Variants in AKT1 observed in about 807,000 individuals in gnomAD.
AKT1 encodes RAC-alpha serine/threonine-protein kinase.
Under a neutral mutation model 63.1 loss-of-function variants are expected in AKT1, and 21 were observed. The ratio of observed to expected loss-of-function variants is 0.33; its 90% CI spans 0.24 to 0.48. The LOEUF is 0.48. AKT1 is among the 20% of genes least tolerant of loss of function. The pLI, the probability that AKT1 is intolerant of heterozygous loss-of-function variation, is 0.99. For synonymous variants in AKT1, 257 were observed against 253.1 expected, an observed-to-expected ratio of 1.02 and a Z score of -0.15; for missense variants, 382 against 666.0, an observed-to-expected ratio of 0.57 and a Z score of 4.69.
chr14:104,775,059 C>T lies in AKT1; in HGVS notation c.567+17G>A, dbSNP rs761544711. On this transcript the variant is annotated intron_variant, in intron 7 of 14. Coordinates refer to ENST00000649815, the MANE Select transcript of AKT1 (RefSeq NM_001382430.1). ...CCGCACCCTCATCTCCACCCTGCCC[C>T]ACCGCCCCGGCCCCACCTTGGCCAC... The T allele has an allele frequency of 6.2e-7, 1 of 1,613,638 alleles. No homozygotes were observed. Among genetic ancestry groups the T allele is most frequent in the Admixed American group, 1.7e-5 (1 of 60,016 alleles).
intron 5 of AKT1, 100 bp downstream of exon 5, chr14:104,776,559 G>A: frequency 9.8e-7 from 1 of 1,016,976 alleles, no homozygotes; most frequent in East Asian, 2.7e-5. Context: ...GGGGAGTGAG[G>A]ATGGCTACAG....
chr14:104,774,349 G>A, intron 8 of AKT1: 1 of 323,052 alleles, frequency 3.1e-6, no homozygotes, highest in Non-Finnish European at 6.0e-6. Flanking sequence ...CTGGGCTCAG[G>A]TCCTCCAGGG....
At position 104,774,291 on chromosome 14, in the gene AKT1, G is replaced by A. The variant is rs560942825; in HGVS notation, c.634-311C>T. On this transcript the variant is annotated intron_variant, in intron 8 of 14. Transcript: ENST00000649815. ...CCACGCCACCATCAGGCTGGGCCCC[G>A]GCAGCCCCTGAGGTGCCAAGGAGTG... 149 of 454,226 alleles carry A rather than the reference G, an allele frequency of 3.3e-4. 3 individuals carry two copies. Among genetic ancestry groups the A allele is most frequent in the South Asian group, 2.7e-3 (120 of 43,972 alleles). The allele number at this position is 454,226 out of a possible 1,614,324, so 28.1% of individuals were successfully genotyped here.
chr14:104,770,870 C>T, intron 13 of AKT1, 23 bp from the exon 14 acceptor site: 2 of 1,606,304 alleles, frequency 1.2e-6, no homozygotes, highest in Non-Finnish European at 1.7e-6. Flanking sequence ...GCAGACGGGA[C>T]AGTCATGAGC....
chr14:104,786,940 C>G (rs965890728), intron 3 of AKT1, among the ~76,000 whole-genome samples: 2 of 152,244 alleles, frequency 1.3e-5, no homozygotes, highest in East Asian at 1.9e-4. Context: ...GCCACCTCCC[C>G]GCCAGGCCTG....
chr14:104,775,366 C>A (rs556838313), intron 6 of AKT1, 159 bp from the exon 7 acceptor site: 4 of 1,349,674 alleles, frequency 3.0e-6, no homozygotes, highest in Non-Finnish European at 4.0e-6. Context: ...GGAGTCCAGG[C>A]TTACAGGGAA....
intron 3 of AKT1, among the ~76,000 whole-genome samples, chr14:104,781,509 T>C (rs1048466921): frequency 9.2e-5 from 14 of 152,086 alleles, no homozygotes; most frequent in Non-Finnish European, 1.6e-4. Flanking sequence ...CCAGCAGGCA[T>C]TCTACTTTCC....
At chr14:104,771,012 G>A (rs1241083102) in intron 13 of AKT1, 165 bp from the exon 14 acceptor site, 2 of 632,044 alleles carry the variant, frequency 3.2e-6, no homozygotes, top group Non-Finnish European at 5.6e-6. Context: ...GGCAGCTCTG[G>A]GAGGGAGGGA....
intron 5 of AKT1, chr14:104,776,188 C>T (rs541152263): frequency 1.8e-5 from 4 of 220,074 alleles, no homozygotes; most frequent in South Asian, 7.3e-5. Context: ...TGCTCTATCG[C>T]CCTGGCTGGA....
At chr14:104,792,486 G>T in intron 3 of AKT1, 112 bp downstream of exon 3, 1 of 1,280,338 alleles carries the variant, frequency 7.8e-7, no homozygotes, top group Non-Finnish European at 1.1e-6. Context: ...CAGCCCAGGA[G>T]CCCCAGGGGA....
At chr14:104,779,620 GA>G (rs1428771363) in intron 4 of AKT1, among the ~76,000 whole-genome samples, 1 of 151,844 alleles carries the variant, frequency 6.6e-6, no homozygotes, top group East Asian at 1.9e-4. Flanking sequence ...ACTCGGCCCA[GA>G]GACCCCCGCC....
chr14:104,786,672 A>G (rs2498788), intron 3 of AKT1, among the ~76,000 whole-genome samples: 132,646 of 152,268 alleles, frequency 0.87, 58,827 homozygotes, highest in Non-Finnish European at 0.92. Flanking sequence ...TTTCTGCCCC[A>G]ACTTGGAGCC....
intron 13 of AKT1, 29 bp from the exon 14 acceptor site, chr14:104,770,876 T>C (rs368238100): frequency 1.3e-6 from 2 of 1,598,602 alleles, no homozygotes; most frequent in Non-Finnish European, 1.7e-6. Flanking sequence ...GGGACAGTCA[T>C]GAGCTTCGCT....
chr14:104,774,610 A>C, intron 8 of AKT1: 1 of 388,504 alleles, frequency 2.6e-6, no homozygotes, highest in Non-Finnish European at 4.7e-6. Flanking sequence ...TCTGCAGGAC[A>C]GAGCCCGGGC....
intron 3 of AKT1, among the ~76,000 whole-genome samples, chr14:104,785,172 T>G (rs1893266891): frequency 6.6e-6 from 1 of 151,996 alleles, no homozygotes; most frequent in African/African-American, 2.4e-5. Flanking sequence ...AGCAGACGGC[T>G]CCGCTGACGG....
Position 104,792,671 on chromosome 14 carries a change from G to A in AKT1, c.-28C>T, listed in dbSNP as rs761545130. On this transcript the variant is annotated 5_prime_UTR_variant, in exon 3 of 15. Transcript: ENST00000649815. ...TGCCCGAGGCTCCCGCGACGCTCACGCGCTCCTCTCAGGCTGGCGCTCCCC... is the reference window on the plus strand; with the variant it reads ...TGCCCGAGGCTCCCGCGACGCTCACACGCTCCTCTCAGGCTGGCGCTCCCC... 8.7e-6 allele frequency: 14 copies of A among 1,606,842 alleles called. No homozygotes were observed. The highest frequency in any genetic ancestry group is 4.5e-5 in the East Asian group (2 of 44,886).
rs1295857274 is a variant in AKT1 at position 104,772,385 on chromosome 14, G to T, written c.1240C>A (p.Gln414Lys). ...CGCACCTTCTTCTCGTACACGTGCTGCCACACGATACCGGCAAAGAAGCGA... is the reference window on the plus strand; with the variant it reads ...CGCACCTTCTTCTCGTACACGTGCTTCCACACGATACCGGCAAAGAAGCGA... ...QHRFFAGIVW[Q>K]HVYEKKLSPP... is the part of the protein sequence containing the mutation. The change falls in exon 13 of 15, where the codon CAG (glutamine) becomes AAG (lysine). Residue 414 changes from glutamine (Q) to lysine (K), a missense_variant. By Grantham distance (53) the Gln-to-Lys change is moderately conservative. Coordinates refer to ENST00000649815, the MANE Select transcript of AKT1 (RefSeq NM_001382430.1). 6.2e-7 allele frequency: 1 copy of T among 1,613,792 alleles called. No individual in the cohort carries two copies. Among genetic ancestry groups the T allele is most frequent in the Non-Finnish European group, 8.5e-7 (1 of 1,180,048 alleles).
rs568325130 is a variant in AKT1 at position 104,785,971 on chromosome 14, G to T, written c.47-5755C>A. On this transcript the variant is annotated intron_variant, in intron 3 of 14. Coordinates refer to ENST00000649815, the MANE Select transcript of AKT1 (RefSeq NM_001382430.1). Reference sequence around the variant, plus strand: ...GTGCTGCCCCTGACAGACCACCTGGGCCTGGATGTCCTCCCCCACAGGCAC... The same window carrying T: ...GTGCTGCCCCTGACAGACCACCTGGTCCTGGATGTCCTCCCCCACAGGCAC... Among the ~76,000 whole-genome samples the T allele has an allele frequency of 7.9e-5, 12 of 152,146 alleles. No individual in the cohort carries two copies. The East Asian group carries it at 2.3e-3, about 29-fold the overall frequency.
Position 104,795,029 on chromosome 14 carries a change from AACG to A in AKT1, c.-258+452_-258+454del, listed in dbSNP as rs1272550490. ...CACGTACAACTTTTCGTCCGTGGGA[AACG>A]AAGTCTCCTTCCGGGGCCCTCCCAC... On this transcript the variant is annotated intron_variant, in intron 1 of 14. Coordinates refer to ENST00000649815, the MANE Select transcript of AKT1 (RefSeq NM_001382430.1). This position sits in a 1 kb window ranked among gnomAD's most constrained non-coding sequence, Gnocchi z 5.1. 1 of 152,194 alleles carries A rather than the reference AACG, an allele frequency of 6.6e-6. No homozygotes were observed. Among genetic ancestry groups the A allele is most frequent in the Non-Finnish European group, 1.5e-5 (1 of 68,022 alleles). 9.4% of individuals were successfully genotyped at this position (152,194 alleles called of 1,614,324 possible). A position where few individuals can be genotyped will look rare whatever the true frequency, so the allele number is the denominator to read the frequency against.
Sources: gnomAD v4.1 joint callset for allele counts (sites outside exome capture counted in the v4.1 genomes callset) on GRCh38, gnomAD v4.1.1 for gene constraint, Gnocchi (gnomAD v3.1) non-coding constraint, MANE v1.5 for transcripts, NCBI Gene and HGNC (gene_info 2026-07-23, HGNC 2026-07-21) for gene names.